Variants in DNM3 observed in about 807,000 individuals in gnomAD.
DNM3 encodes the protein dynamin 3.
Under a neutral mutation model 101.6 loss-of-function variants are expected in DNM3, and 47 were observed. The observed-to-expected ratio is 0.46, with a 90% CI of 0.37 to 0.59. The LOEUF (loss-of-function observed/expected upper bound fraction) is 0.59. Ranked by LOEUF, DNM3 falls within the 20% of genes least tolerant of loss-of-function variation. The pLI is 0.00. For missense variants in DNM3, 849 were observed against 1,085.7 expected (o/e 0.78, Z 3.06); for synonymous variants, 385 against 387.9 (o/e 0.99, Z 0.09).
At chr1:172,352,149 C>A (rs1194888387) in intron 17 of DNM3, among the ~76,000 whole-genome samples, 2 of 152,150 alleles carry the variant, frequency 1.3e-5, no homozygotes. Context: ...AACAGGAATG[C>A]ACTTTTGAAC....
At chr1:172,262,713 A>T (rs1395586091) in intron 15 of DNM3, among the ~76,000 whole-genome samples, 1 of 152,196 alleles carries the variant, frequency 6.6e-6, no homozygotes, top group Non-Finnish European at 1.5e-5. Flanking sequence ...TGGAAGAGGC[A>T]AATACCAGAT....
chr1:172,003,012 T>C (rs1179950789), intron 4 of DNM3, among the ~76,000 whole-genome samples: 1 of 152,002 alleles, frequency 6.6e-6, no homozygotes, highest in Non-Finnish European at 1.5e-5. Context: ...AATGTAGAAA[T>C]TTAATGTAGA....
At chr1:172,232,786 C>A (rs2061388361) in intron 14 of DNM3, among the ~76,000 whole-genome samples, 1 of 152,220 alleles carries the variant, frequency 6.6e-6, no homozygotes. Context: ...TCCTGAATGA[C>A]TACTGGGTAC....
At chr1:171,910,963 G>C in intron 1 of DNM3, among the ~76,000 whole-genome samples, 1 of 152,166 alleles carries the variant, frequency 6.6e-6, no homozygotes, top group East Asian at 1.9e-4. Context: ...AAAGAAAGAG[G>C]CATTAGACAA....
intron 14 of DNM3, among the ~76,000 whole-genome samples, chr1:172,244,151 T>C (rs2061854568): frequency 6.6e-6 from 1 of 152,236 alleles, no homozygotes; most frequent in Non-Finnish European, 1.5e-5. Context: ...TTACTGAGAA[T>C]GATGATTTCC....
At chr1:171,848,438 A>G (rs911904261) in intron 1 of DNM3, among the ~76,000 whole-genome samples, 2 of 152,184 alleles carry the variant, frequency 1.3e-5, no homozygotes, top group Admixed American at 6.5e-5. Context: ...GGGCCCAGGA[A>G]AAGACTAAAT....
intron 10 of DNM3, among the ~76,000 whole-genome samples, chr1:172,059,694 T>C (rs1261433410): frequency 1.3e-4 from 16 of 122,236 alleles, no homozygotes; most frequent in Admixed American, 7.9e-4. Context: ...TGGGACGTAT[T>C]TCAAAATAAT....
At chr1:171,965,157 A>G (rs868366906) in intron 2 of DNM3, among the ~76,000 whole-genome samples, 20 of 148,960 alleles carry the variant, frequency 1.3e-4, no homozygotes, top group African/African-American at 4.7e-4. Context: ...CATGCAAATT[A>G]AGGGTTCACA....
At chr1:172,046,104 A>G (rs991959170) in intron 9 of DNM3, among the ~76,000 whole-genome samples, 2 of 152,178 alleles carry the variant, frequency 1.3e-5, no homozygotes. Context: ...ACACATGCAC[A>G]CATATGTTTA....
Position 172,038,469 on chromosome 1 carries a change from AC to A in DNM3, c.992+10del, listed in dbSNP as rs1264340010. 6.2e-7 allele frequency: 1 copy of A among 1,611,002 alleles called. No individual in the cohort carries two copies. Among genetic ancestry groups the A allele is most frequent in the Admixed American group, 1.7e-5 (1 of 59,462 alleles). On this transcript the variant is annotated intron_variant, in intron 7 of 20. Transcript: ENST00000627582. Reference sequence around the variant, plus strand: ...GACCAAAGCATTGCTGCAGTAGGTCACCTTTCCCTTCCTTGGCTCAGCATTT... The same window carrying A: ...GACCAAAGCATTGCTGCAGTAGGTCACTTTCCCTTCCTTGGCTCAGCATTT...
chr1:171,973,280 G>C (rs1158486856), intron 2 of DNM3, among the ~76,000 whole-genome samples: 1 of 152,174 alleles, frequency 6.6e-6, no homozygotes, highest in Non-Finnish European at 1.5e-5. Flanking sequence ...CTGGGAGTCA[G>C]AATGTCTGGA....
At chr1:172,378,475 C>A (rs1245676707) in intron 17 of DNM3, among the ~76,000 whole-genome samples, 3 of 151,594 alleles carry the variant, frequency 2.0e-5, no homozygotes, top group African/African-American at 7.3e-5. Flanking sequence ...CCAGCAAGTG[C>A]ATGGAAGAAT....
rs79166802 is a variant in DNM3, at chr1:172,127,827, C to G, written c.1546-3348C>G. Among the ~76,000 whole-genome samples the G allele has an allele frequency of 3.0e-3, 460 of 152,258 alleles. 2 individuals are homozygous for G. Among genetic ancestry groups the G allele is most frequent in the African/African-American group, 1.0e-2 (414 of 41,548 alleles). Reference sequence around the variant, plus strand: ...AAACAGCTATCACTACCATCACCTCCTTTGACCCTGTGACCTATTCTGGTT... The same window carrying G: ...AAACAGCTATCACTACCATCACCTCGTTTGACCCTGTGACCTATTCTGGTT... On this transcript the variant is annotated intron_variant, in intron 13 of 20. Coordinates refer to ENST00000627582, the MANE Select transcript of DNM3 (RefSeq NM_015569.5).
At chr1:172,204,561 G>C (rs912489672) in intron 14 of DNM3, among the ~76,000 whole-genome samples, 2 of 152,050 alleles carry the variant, frequency 1.3e-5, no homozygotes, top group African/African-American at 4.8e-5. Flanking sequence ...TCCATGCCCT[G>C]CAAACCTATT....
At chr1:172,273,813 G>A (rs1445101998) in intron 15 of DNM3, among the ~76,000 whole-genome samples, 1 of 152,030 alleles carries the variant, frequency 6.6e-6, no homozygotes, top group Non-Finnish European at 1.5e-5. Flanking sequence ...ACATCTGAAA[G>A]GATCTTGGGG....
intron 1 of DNM3, among the ~76,000 whole-genome samples, chr1:171,894,916 C>T (rs772823134): frequency 3.3e-5 from 5 of 152,180 alleles, no homozygotes; most frequent in Admixed American, 1.3e-4. Flanking sequence ...TGATAGTTTT[C>T]TGAGAATGAT....
intron 17 of DNM3, among the ~76,000 whole-genome samples, chr1:172,328,302 T>G (rs1375484222): frequency 2.0e-5 from 3 of 152,184 alleles, no homozygotes; most frequent in Admixed American, 6.5e-5. Flanking sequence ...TGTAGACATC[T>G]CCTTTCTGCA....
At chr1:172,228,064 C>T (rs764877761) in intron 14 of DNM3, among the ~76,000 whole-genome samples, 1 of 151,920 alleles carries the variant, frequency 6.6e-6, no homozygotes, top group South Asian at 2.1e-4. Context: ...AGTATTATGG[C>T]TATTAACTTT....
chr1:171,846,540 C>A (rs2032129660), intron 1 of DNM3, among the ~76,000 whole-genome samples: 1 of 152,052 alleles, frequency 6.6e-6, no homozygotes, highest in African/African-American at 2.4e-5. Flanking sequence ...TAGGTAGTAC[C>A]TTTTGCTATG....
Sources: gnomAD v4.1 joint callset for allele counts (sites outside exome capture counted in the v4.1 genomes callset) on GRCh38, gnomAD v4.1.1 for gene constraint, MANE v1.5 for transcripts, NCBI Gene and HGNC (gene_info 2026-07-23, HGNC 2026-07-21) for gene names.